The following KLRG1 variants were observed in gnomAD, a reference collection of about 807,000 sequenced individuals.
KLRG1 encodes the protein killer cell lectin-like receptor subfamily G member 1.
KLRG1 carries 16 observed loss-of-function variants against 21.8 expected under a neutral mutation model. That is an observed-to-expected ratio of 0.73 (90% CI 0.50 to 1.11). KLRG1 has a LOEUF of 1.11. KLRG1 is among the 50% of genes most tolerant of loss of function. The pLI is 0.00. For missense variants in KLRG1, 173 were observed against 218.3 expected, an observed-to-expected ratio of 0.79 and a Z score of 1.31; for synonymous variants, 69 against 75.9, an observed-to-expected ratio of 0.91 and a Z score of 0.47.
At chr12:9,098,570 C>T in the KLRG1 span, 23 of 1,565,828 alleles carry the variant, frequency 1.5e-5, no homozygotes, top group Admixed American at 3.8e-5. Flanking sequence ...GCCCCTGGCA[C>T]GGCCCTTCTT....
the KLRG1 span, among the ~76,000 whole-genome samples, chr12:9,209,531 A>G: frequency 6.6e-6 from 1 of 152,114 alleles, no homozygotes; most frequent in Non-Finnish European, 1.5e-5. Flanking sequence ...AAGTTTGTTT[A>G]AGGTCATTTC....
intron 1 of KLRG1, among the ~76,000 whole-genome samples, chr12:8,964,635 G>T (rs1408767699): frequency 6.6e-6 from 1 of 151,012 alleles, no homozygotes; most frequent in Non-Finnish European, 1.5e-5. Context: ...TGACAGTGGG[G>T]TGTTAAAGTC....
At position 9,010,221 on chromosome 12, in the gene KLRG1, A is replaced by C; in HGVS notation, c.*684A>C. ...AAAAAATGCTAATGTGAGAATATAA[A>C]TTGTGGGAAATGAGTGAGGGCAAGG... On this transcript the variant is annotated 3_prime_UTR_variant, in exon 5 of 5. Coordinates refer to ENST00000356986, the MANE Select transcript of KLRG1 (RefSeq NM_005810.4). 3 of 517,528 alleles carry C rather than the reference A, an allele frequency of 5.8e-6. No homozygotes were observed. The highest frequency in any genetic ancestry group is 1.0e-5 in the Non-Finnish European group (3 of 291,612). 32.1% of individuals were successfully genotyped at this position (517,528 alleles called of 1,614,324 possible).
the KLRG1 span, among the ~76,000 whole-genome samples, chr12:9,173,805 A>C: frequency 6.6e-6 from 1 of 152,254 alleles, no homozygotes; most frequent in Admixed American, 6.5e-5. Context: ...GAATAGACCA[A>C]TAACGAGTTC....
chr12:9,186,513 TCA>T, the KLRG1 span, among the ~76,000 whole-genome samples: 1 of 151,996 alleles, frequency 6.6e-6, no homozygotes, highest in African/African-American at 2.4e-5. Flanking sequence ...GAGACCCATC[TCA>T]CATGCAATGA....
chr12:9,040,153 T>C, the KLRG1 span, among the ~76,000 whole-genome samples: 3 of 152,348 alleles, frequency 2.0e-5, no homozygotes, highest in South Asian at 6.2e-4. Flanking sequence ...GTAAATTTGC[T>C]ACCATTTTGA....
At chr12:9,070,982 G>C in the KLRG1 span, among the ~76,000 whole-genome samples, 2 of 152,034 alleles carry the variant, frequency 1.3e-5, no homozygotes, top group African/African-American at 4.8e-5. Flanking sequence ...CACCACGTCC[G>C]ACTAATTTTG....
chr12:9,127,621 A>G, the KLRG1 span, among the ~76,000 whole-genome samples: 1 of 152,116 alleles, frequency 6.6e-6, no homozygotes, highest in Non-Finnish European at 1.5e-5. Flanking sequence ...CCTAGAGCCC[A>G]GCATCCACTG....
At chr12:8,997,081 C>T (rs1297366521) in intron 3 of KLRG1, among the ~76,000 whole-genome samples, 1 of 152,180 alleles carries the variant, frequency 6.6e-6, no homozygotes, top group Non-Finnish European at 1.5e-5. Context: ...AGAGGAAGGG[C>T]AGGATCATTA....
At chr12:9,176,861 T>C in the KLRG1 span, among the ~76,000 whole-genome samples, 2 of 152,244 alleles carry the variant, frequency 1.3e-5, no homozygotes, top group Non-Finnish European at 2.9e-5. Flanking sequence ...TTTAGTTCAA[T>C]GTCTTTGTAT....
chr12:9,025,619 A>G, the KLRG1 span, among the ~76,000 whole-genome samples: 3 of 152,220 alleles, frequency 2.0e-5, no homozygotes, highest in South Asian at 2.1e-4. Flanking sequence ...CCTGGATGAC[A>G]GAGTGAGACT....
the KLRG1 span, chr12:9,106,268 G>A: frequency 6.8e-6 from 11 of 1,613,066 alleles, no homozygotes; most frequent in East Asian, 2.5e-4. Context: ...TGTCGAAAGT[G>A]TGAGTCCACT....
the KLRG1 span, among the ~76,000 whole-genome samples, chr12:9,141,538 T>A: frequency 6.6e-6 from 1 of 152,204 alleles, no homozygotes; most frequent in Non-Finnish European, 1.5e-5. Context: ...AACTGGATGA[T>A]ACTTCTTCAA....
intron 3 of KLRG1, among the ~76,000 whole-genome samples, chr12:8,999,312 T>C (rs1947236894): frequency 6.6e-6 from 1 of 152,234 alleles, no homozygotes; most frequent in Admixed American, 6.5e-5. Context: ...TATGCATTCG[T>C]TAGTGAGTTC....
chr12:8,990,592 A>C (rs1018064581), intron 1 of KLRG1, among the ~76,000 whole-genome samples: 3 of 152,074 alleles, frequency 2.0e-5, no homozygotes, highest in Non-Finnish European at 4.4e-5. Context: ...TATTTGTGTA[A>C]CCTTTTCCTA....
chr12:9,152,813 G>A, the KLRG1 span: 3 of 1,613,560 alleles, frequency 1.9e-6, no homozygotes, highest in Non-Finnish European at 2.5e-6. Flanking sequence ...GATTAGGTTA[G>A]AACGTCTTAC....
chr12:9,076,619 AT>A, the KLRG1 span: 1 of 734,078 alleles, frequency 1.4e-6, no homozygotes, highest in South Asian at 2.5e-5. Context: ...ATAAGATGCA[AT>A]ATGGACAAAA....
At chr12:9,164,079 C>CA in the KLRG1 span, 1 of 1,540,570 alleles carries the variant, frequency 6.5e-7, no homozygotes, top group Middle Eastern at 1.7e-4. Flanking sequence ...AAAAAGTACT[C>CA]AGACAGCCAC....
chr12:9,117,561 G>A, the KLRG1 span, among the ~76,000 whole-genome samples: 2 of 152,158 alleles, frequency 1.3e-5, no homozygotes, highest in Non-Finnish European at 2.9e-5. Context: ...CTTTAGCTGG[G>A]TGAGTGAAAC....
Sources: allele counts gnomAD v4.1 joint callset (sites outside exome capture counted in the v4.1 genomes callset), GRCh38; gene constraint gnomAD v4.1.1; transcripts MANE v1.5; gene names NCBI Gene and HGNC (gene_info 2026-07-23, HGNC 2026-07-21).